NEO1: variants seen among roughly 807,000 people sequenced by gnomAD.
NEO1 encodes the protein neogenin.
NEO1 carries 63 observed loss-of-function variants against 159.7 expected under a neutral mutation model. The ratio of observed to expected loss-of-function variants is 0.39; its 90% confidence interval spans 0.32 to 0.49. The LOEUF (loss-of-function observed/expected upper bound fraction) is 0.49, where lower values mean the gene tolerates loss of function less well. Ranked by LOEUF, NEO1 falls within the 20% of genes least tolerant of loss-of-function variation. The pLI, the probability that NEO1 is intolerant of heterozygous loss-of-function variation, is 0.85. For synonymous variants in NEO1, 633 were observed against 662.0 expected (o/e 0.96, Z 0.67); for missense variants, 1,615 against 1,831.0 (o/e 0.88, Z 2.15).
intron 2 of NEO1, among the ~76,000 whole-genome samples, chr15:73,122,106 A>C (rs1465930865): frequency 1.3e-5 from 1 of 74,916 alleles, no homozygotes; most frequent in Non-Finnish European, 2.6e-5. Flanking sequence ...CACATTATAT[A>C]TATTATATAT....
At chr15:73,232,706 T>TCTA (rs917458290) in intron 7 of NEO1, among the ~76,000 whole-genome samples, 15 of 152,296 alleles carry the variant, frequency 9.8e-5, no homozygotes, top group African/African-American at 3.6e-4. Context: ...CCATGGCTAG[T>TCTA]CTACCATCCA....
chr15:73,266,547 A>G, intron 16 of NEO1, 136 bp downstream of exon 16: 1 of 545,826 alleles, frequency 1.8e-6, no homozygotes, highest in Non-Finnish European at 3.1e-6. Flanking sequence ...CAAATGGGAA[A>G]GTGGGCTTTC....
In NEO1 at chr15:73,249,621, G is replaced by A. The variant is rs780195819; in HGVS notation, c.1794G>A (p.Gly598=). The A allele has an allele frequency of 4.3e-6, 7 of 1,613,226 alleles. No individual in the cohort carries two copies. The Admixed American group carries it at 1.2e-4, about 27-fold the overall frequency. The change falls in exon 11 of 29, where the codon GGG becomes GGA. Residue 598 remains glycine, a synonymous_variant. Coordinates refer to ENST00000261908, the MANE Select transcript of NEO1 (RefSeq NM_002499.4). ...CAAGTCACTCTTACACCATTAATGG[G>A]TTGAAAAAATATACAGAGTATAGTT... ...DVSSHSYTIN[G]LKKYTEYSFR...
At chr15:73,210,145 A>C (rs2037475351) in intron 7 of NEO1, among the ~76,000 whole-genome samples, 1 of 152,216 alleles carries the variant, frequency 6.6e-6, no homozygotes, top group South Asian at 2.1e-4. Context: ...AAAGTATAAG[A>C]CAAGACAAGA....
intron 11 of NEO1, among the ~76,000 whole-genome samples, chr15:73,252,996 A>G (rs1031644998): frequency 6.6e-6 from 1 of 151,380 alleles, no homozygotes; most frequent in Admixed American, 6.8e-5. Context: ...GTCTCAAAAC[A>G]AAACAAAACA....
intron 5 of NEO1, among the ~76,000 whole-genome samples, chr15:73,158,868 A>G (rs922130233): frequency 6.6e-6 from 1 of 152,188 alleles, no homozygotes; most frequent in Non-Finnish European, 1.5e-5. Context: ...GTGTAAAAAT[A>G]GCATAATAGG....
In NEO1 at chr15:73,258,789, A is replaced by C; in HGVS notation, c.2116A>C (p.Asn706His). 1 of 1,613,988 alleles carries C rather than the reference A, an allele frequency of 6.2e-7. No homozygotes were observed. The highest frequency in any genetic ancestry group is 8.5e-7 in the Non-Finnish European group (1 of 1,179,894). Reference sequence around the variant, plus strand: ...AGGTCTTGATCGGGGGACTGAGTATAATTTCCGAGTGGCTGCTCTAACAAT... The same window carrying C: ...AGGTCTTGATCGGGGGACTGAGTATCATTTCCGAGTGGCTGCTCTAACAAT... ...IEGLDRGTEY[N>H]FRVAALTING... is the part of the protein sequence containing the mutation. The change falls in exon 14 of 29, where the codon AAT becomes CAT. Residue 706 changes from asparagine to histidine, a missense_variant. Around this residue, in one of 3 missense-constraint regions of NEO1, gnomAD observed 1,018 missense variants for 1,115.4 expected, o/e 0.91. Transcript: ENST00000261908.
chr15:73,111,063 C>T (rs187363079), intron 1 of NEO1, among the ~76,000 whole-genome samples: 12 of 152,258 alleles, frequency 7.9e-5, no homozygotes, highest in South Asian at 6.2e-4. Flanking sequence ...CAGAAATACA[C>T]GGAGTAAAAA....
intron 15 of NEO1, among the ~76,000 whole-genome samples, chr15:73,264,678 A>G (rs185691730): frequency 9.2e-5 from 14 of 152,322 alleles, no homozygotes; most frequent in Non-Finnish European, 1.5e-5. Flanking sequence ...CAATTCATCT[A>G]TTCATCATCC....
intron 9 of NEO1, among the ~76,000 whole-genome samples, chr15:73,248,046 G>A (rs982580913): frequency 5.3e-5 from 8 of 152,140 alleles, no homozygotes; most frequent in Non-Finnish European, 2.9e-5. Context: ...CATCACTTGG[G>A]AAAGATTGTT....
At chr15:73,228,789 G>T (rs1247851933) in intron 7 of NEO1, among the ~76,000 whole-genome samples, 1 of 152,016 alleles carries the variant, frequency 6.6e-6, no homozygotes, top group Non-Finnish European at 1.5e-5. Flanking sequence ...TCATTACTTT[G>T]CATGTGGATA....
intron 5 of NEO1, chr15:73,161,989 A>C (rs2034217290): frequency 4.5e-6 from 1 of 219,932 alleles, no homozygotes; most frequent in Non-Finnish European, 9.4e-6. Context: ...CTGTTTTTTG[A>C]AGGATTCTTG....
At position 73,253,560 on chromosome 15, in the gene NEO1, TGTG is replaced by T. The variant is rs1419835805; in HGVS notation, c.1944+114_1944+116del. ...AAGCATCAAAATAAATGAATGGCGA[TGTG>T]GTAATAATCTGCATTTAAAAATACC... On this transcript the variant is annotated intron_variant, in intron 12 of 28. Transcript: ENST00000261908. The T allele has an allele frequency of 7.5e-6, 5 of 665,378 alleles. No homozygotes were observed. The East Asian group carries it at 8.1e-5, about 11-fold the overall frequency. The allele number at this position is 665,378 out of a possible 1,614,324, so 41.2% of individuals were successfully genotyped here.
chr15:73,213,331 T>C (rs2037687936), intron 7 of NEO1, among the ~76,000 whole-genome samples: 2 of 152,140 alleles, frequency 1.3e-5, no homozygotes, highest in South Asian at 4.1e-4. Context: ...GTTACATAAG[T>C]TCTTTAGTGG....
chr15:73,247,939 C>T (rs114107729), intron 9 of NEO1, among the ~76,000 whole-genome samples: 172 of 152,246 alleles, frequency 1.1e-3, no homozygotes, highest in African/African-American at 3.9e-3. Flanking sequence ...TACATCCTAT[C>T]GTGGGTATTG....
In NEO1 at chr15:73,236,355, ACAACGGGACCACTGCCTT is replaced by A; in HGVS notation, c.1303_1320del (p.Thr435_Ser440del). The A allele has an allele frequency of 6.2e-7, 1 of 1,614,200 alleles. No individual in the cohort carries two copies. The highest frequency in any genetic ancestry group is 8.5e-7 in the Non-Finnish European group (1 of 1,180,034). On this transcript the variant is annotated inframe_deletion, in exon 8 of 29. Transcript: ENST00000261908. ...CACTACTGACCATCTAGCACCAGCC[ACAACGGGACCACTGCCTT>A]CAGCTCCTCGGGATGTCGTGGCCTC... is the stretch of plus-strand genomic sequence containing the variant.
rs760312570 is a variant in NEO1 at position 73,298,409 on chromosome 15, C to T, written c.3963C>T (p.Cys1321=). ...CAGCCTCTTCGTCTCAAACATGCTG[C>T]ACTGATCACCAGGACCCTGAAGGTG... The part of the protein sequence containing the change: ...TMPASSSQTC[C]TDHQDPEGAT... The change falls in exon 27 of 29, where the codon TGC becomes TGT. Residue 1321 remains cysteine, a synonymous_variant. Transcript: ENST00000261908. The T allele has an allele frequency of 1.2e-6, 2 of 1,614,234 alleles. No homozygotes were observed. Among genetic ancestry groups the T allele is most frequent in the Non-Finnish European group, 1.7e-6 (2 of 1,180,046 alleles).
At chr15:73,094,746 CTTTTTT>C (rs889268903) in intron 1 of NEO1, among the ~76,000 whole-genome samples, 1 of 152,122 alleles carries the variant, frequency 6.6e-6, no homozygotes, top group Non-Finnish European at 1.5e-5. Flanking sequence ...CTTCCTCTGT[CTTTTTT>C]ATTTTTATTT....
At chr15:73,270,577 A>G (rs547917588) in intron 18 of NEO1, 123 bp downstream of exon 18, 42 of 1,073,560 alleles carry the variant, frequency 3.9e-5, no homozygotes, top group African/African-American at 3.2e-4. Context: ...AGTGTTTGCT[A>G]TTTCAGCTGA....
Sources: allele counts gnomAD v4.1 joint callset (sites outside exome capture counted in the v4.1 genomes callset), GRCh38; gene constraint gnomAD v4.1.1; regional missense constraint gnomAD v4.1.1; transcripts MANE v1.5; gene names NCBI Gene and HGNC (gene_info 2026-07-23, HGNC 2026-07-21).